The following ZNF415 variants were observed in gnomAD, a reference collection of about 807,000 sequenced individuals.
ZNF415 encodes the protein zinc finger protein 415.
A neutral mutation model predicts 7.3 loss-of-function variants in ZNF415; 5 were observed. The ratio of observed to expected loss-of-function variants is 0.69; its 90% CI spans 0.36 to 1.44. The LOEUF (loss-of-function observed/expected upper bound fraction) is 1.44, where lower values mean the gene tolerates loss of function less well. ZNF415 is among the 40% of genes most tolerant of loss of function. The pLI is 0.04. For missense variants in ZNF415, 628 were observed against 664.8 expected (o/e 0.94, Z 0.61); for synonymous variants, 207 against 226.3 (o/e 0.91, Z 0.77).
At chr19:53,122,429 G>A (rs745738367) in intron 2 of ZNF415, 2 of 1,537,976 alleles carry the variant, frequency 1.3e-6, no homozygotes, top group South Asian at 2.4e-5. Context: ...GTCTGGGTGT[G>A]AGCCCTTCCC....
rs141428457 is a variant in ZNF415 at position 53,109,220 on chromosome 19, A to C, written c.825T>G (p.Asn275Lys). ...TGCGACTGAAACTTCTGTCACATTC[A>C]TTACATTTGTATGGTTTCTCTCCAG... ...VHTGEKPYKC[N>K]ECDRSFSRNS... is the part of the protein sequence containing the mutation. Residue 275 changes from asparagine (N) to lysine (K), a missense_variant, in exon 4 of 4, where the codon AAT becomes AAG. By Grantham distance (94) the Asn-to-Lys change is moderately conservative (BLOSUM62 0). Transcript: ENST00000243643. 1.9e-6 allele frequency: 3 copies of C among 1,613,970 alleles called. No homozygotes were observed. Among genetic ancestry groups the C allele is most frequent in the Non-Finnish European group, 2.5e-6 (3 of 1,180,010 alleles).
intron 3 of ZNF415, among the ~76,000 whole-genome samples, chr19:53,113,850 C>A (rs929469248): frequency 4.6e-5 from 7 of 152,192 alleles, no homozygotes; most frequent in Non-Finnish European, 8.8e-5. Context: ...ATGTGTCCAG[C>A]GCTGTCACAG....
At chr19:53,115,613 A>T (rs896032092) in intron 3 of ZNF415, 1 of 993,198 alleles carries the variant, frequency 1.0e-6, no homozygotes, top group Non-Finnish European at 1.5e-6. Flanking sequence ...GGATATAAAC[A>T]TTTGTTTTCC....
chr19:53,124,238 C>CAA (rs35871986), intron 1 of ZNF415: 114 of 144,608 alleles, frequency 7.9e-4, no homozygotes, highest in South Asian at 4.8e-3. Flanking sequence ...AACTCCGTCT[C>CAA]AAAAAAAAAA....
intron 2 of ZNF415, among the ~76,000 whole-genome samples, chr19:53,116,933 G>T (rs1375169503): frequency 6.6e-6 from 1 of 152,144 alleles, no homozygotes; most frequent in Admixed American, 6.5e-5. Context: ...GGCACCATAA[G>T]GTGACCAAAT....
intron 2 of ZNF415, among the ~76,000 whole-genome samples, chr19:53,119,170 T>G (rs1036766528): frequency 3.3e-5 from 5 of 151,730 alleles, no homozygotes; most frequent in Admixed American, 6.6e-5. Context: ...TAGTCCCAGC[T>G]ACTCGGGAGG....
Position 53,109,589 on chromosome 19 carries a change from CT to C in ZNF415, c.455del (p.Gln152ArgfsTer29), listed in dbSNP as rs749305692. The C allele has an allele frequency of 6.2e-7, 1 of 1,614,120 alleles. No homozygotes were observed. The highest frequency in any genetic ancestry group is 2.2e-5 in the East Asian group (1 of 44,876). On this transcript the variant is annotated frameshift_variant, in exon 4 of 4. Coordinates refer to ENST00000243643, the MANE Select transcript of ZNF415 (RefSeq NM_018355.4). LOFTEE classifies it low-confidence loss of function (END_TRUNC). The stretch of plus-strand genomic sequence containing the variant: ...CATAAATTTTCCCTTCAGCTTGAAA[CT>C]GCTGCAGTTCATGGGGATGTGGTAG... ...SFLPHPHELQ[Q>X]FQAEGKIYEC...
At chr19:53,111,865 A>G (rs2086286905) in intron 3 of ZNF415, among the ~76,000 whole-genome samples, 1 of 152,194 alleles carries the variant, frequency 6.6e-6, no homozygotes, top group South Asian at 2.1e-4. Context: ...CATGGTATTC[A>G]TGTATCTAAC....
chr19:53,132,542 G>A (rs2090226320), intron 1 of ZNF415, among the ~76,000 whole-genome samples: 1 of 152,198 alleles, frequency 6.6e-6, no homozygotes, highest in African/African-American at 2.4e-5. Context: ...CGCTCCAGGG[G>A]CCGACGAGGG....
At chr19:53,126,050 G>A (rs1252076392) in intron 1 of ZNF415, among the ~76,000 whole-genome samples, 3 of 151,190 alleles carry the variant, frequency 2.0e-5, no homozygotes, top group African/African-American at 4.9e-5. Context: ...GGCACATGAC[G>A]GAGTATTTGT....
Position 53,109,598 on chromosome 19 carries a change from TTCATGGG to T in ZNF415, c.440_446del (p.Pro147HisfsTer32). The T allele has an allele frequency of 6.2e-7, 1 of 1,614,144 alleles. No homozygotes were observed. The highest frequency in any genetic ancestry group is 8.5e-7 in the Non-Finnish European group (1 of 1,180,012). ...TCCCTTCAGCTTGAAACTGCTGCAG[TTCATGGG>T]GATGTGGTAGAAAGCTTAATCCAAG... On this transcript the variant is annotated frameshift_variant, in exon 4 of 4. Coordinates refer to ENST00000243643, the MANE Select transcript of ZNF415 (RefSeq NM_018355.4). LOFTEE classifies it low-confidence loss of function (END_TRUNC).
Position 53,122,632 on chromosome 19 carries a change from C to T in ZNF415, c.15+30G>A, listed in dbSNP as rs1251451815. ...TCCCACCTTTCTGAAAAGAGGGAGACAGAATGATCCACACAGAATCTTTCT... is the reference window on the plus strand; with the variant it reads ...TCCCACCTTTCTGAAAAGAGGGAGATAGAATGATCCACACAGAATCTTTCT... On this transcript the variant is annotated intron_variant, in intron 2 of 3. Coordinates refer to ENST00000243643, the MANE Select transcript of ZNF415 (RefSeq NM_018355.4). 2.5e-6 allele frequency: 4 copies of T among 1,613,878 alleles called. No individual in the cohort carries two copies. The Admixed American group carries it at 5.0e-5, about 20-fold the overall frequency.
intron 1 of ZNF415, 33 bp downstream of exon 1, chr19:53,132,823 G>A (rs2090265948): frequency 6.6e-6 from 1 of 152,320 alleles, no homozygotes; most frequent in South Asian, 2.1e-4. Context: ...GAAACAGGGA[G>A]CGCAGGTTTA....
Position 53,122,678 on chromosome 19 carries a change from C to A in ZNF415, c.-2G>T. 1 of 1,614,152 alleles carries A rather than the reference C, an allele frequency of 6.2e-7. No individual in the cohort carries two copies. Among genetic ancestry groups the A allele is most frequent in the Non-Finnish European group, 8.5e-7 (1 of 1,180,024 alleles). ...TTTCTTTACCTGAGTAAAAGCCATT[C>A]CTGACTCCTTTGCTCTCCTCTTCTG... On this transcript the variant is annotated 5_prime_UTR_variant, in exon 2 of 4. Transcript: ENST00000243643.
intron 2 of ZNF415, among the ~76,000 whole-genome samples, chr19:53,118,971 C>T (rs1318463399): frequency 6.6e-6 from 1 of 151,346 alleles, no homozygotes; most frequent in East Asian, 1.9e-4. Context: ...ATGGTAAAAC[C>T]CCATCTCTAC....
At chr19:53,132,124 T>C (rs1358639852) in intron 1 of ZNF415, among the ~76,000 whole-genome samples, 1 of 152,190 alleles carries the variant, frequency 6.6e-6, no homozygotes, top group Admixed American at 6.5e-5. Context: ...CGGCTTCTTC[T>C]TCCACTCTTA....
At chr19:53,121,808 T>C (rs1307641321) in intron 2 of ZNF415, among the ~76,000 whole-genome samples, 1 of 152,176 alleles carries the variant, frequency 6.6e-6, no homozygotes, top group Non-Finnish European at 1.5e-5. Context: ...GTATCTCAAC[T>C]TTACATTCCA....
At chr19:53,111,679 A>G (rs1446416577) in intron 3 of ZNF415, among the ~76,000 whole-genome samples, 4 of 152,072 alleles carry the variant, frequency 2.6e-5, no homozygotes, top group Non-Finnish European at 4.4e-5. Context: ...TGAGTTATAT[A>G]AGACAGAAAA....
chr19:53,125,360 A>C (rs2088876164), intron 1 of ZNF415, among the ~76,000 whole-genome samples: 1 of 149,844 alleles, frequency 6.7e-6, no homozygotes. Context: ...TTTTTTAAAC[A>C]GGATCTTGCT....
Sources: allele counts gnomAD v4.1 joint callset (sites outside exome capture counted in the v4.1 genomes callset), GRCh38; gene constraint gnomAD v4.1.1; transcripts MANE v1.5; gene names NCBI Gene and HGNC (gene_info 2026-07-23, HGNC 2026-07-21).